SCG3: variants seen among roughly 807,000 people sequenced by gnomAD.
SCG3 encodes secretogranin III.
Under a neutral mutation model 56.2 loss-of-function variants are expected in SCG3, and 38 were observed. The observed-to-expected ratio is 0.68, with a 90% CI of 0.52 to 0.89. SCG3 has a LOEUF of 0.89. Among genes scored for constraint, SCG3 ranks in the 40% least tolerant of loss-of-function variants. The pLI is 0.00. For synonymous variants in SCG3, 176 were observed against 184.2 expected (o/e 0.96, Z 0.36); for missense variants, 524 against 540.7 (o/e 0.97, Z 0.31).
At chr15:51,683,700 A>C (rs2055210542) in intron 4 of SCG3, among the ~76,000 whole-genome samples, 1 of 151,992 alleles carries the variant, frequency 6.6e-6, no homozygotes, top group Admixed American at 6.5e-5. Context: ...TATTAAATTC[A>C]TTTGAACATT....
chr15:51,699,707 T>A (rs974369997), intron 9 of SCG3, among the ~76,000 whole-genome samples: 1 of 152,110 alleles, frequency 6.6e-6, no homozygotes, highest in Non-Finnish European at 1.5e-5. Context: ...CATCCTAAAA[T>A]TCTCCTTTAG....
At chr15:51,705,362 A>G (rs1236821679) in intron 10 of SCG3, among the ~76,000 whole-genome samples, 1 of 152,158 alleles carries the variant, frequency 6.6e-6, no homozygotes, top group Admixed American at 6.5e-5. Context: ...AAATGAATAT[A>G]AAAGAGATGA....
intron 11 of SCG3, among the ~76,000 whole-genome samples, chr15:51,718,199 TAGACAGACAGACAGACAGACAGAC>T (rs3078130): frequency 6.7e-6 from 1 of 148,886 alleles, no homozygotes; most frequent in Admixed American, 6.7e-5. Context: ...GATAGATAGA[TAGACAGACAGACAGACAGACAGAC>T]AGACAGACAG....
intron 10 of SCG3, among the ~76,000 whole-genome samples, chr15:51,706,366 A>C (rs1157171131): frequency 6.6e-6 from 1 of 152,242 alleles, no homozygotes; most frequent in African/African-American, 2.4e-5. Flanking sequence ...AATAGTCCTT[A>C]ACTCATATGC....
chr15:51,707,990 G>C (rs2055386975), intron 10 of SCG3: 1 of 152,304 alleles, frequency 6.6e-6, no homozygotes, highest in South Asian at 2.1e-4. Flanking sequence ...AGTCAGGACA[G>C]CATAGTAGAG....
At chr15:51,702,512 C>A (rs575597470) in intron 10 of SCG3, among the ~76,000 whole-genome samples, 1 of 152,318 alleles carries the variant, frequency 6.6e-6, no homozygotes, top group South Asian at 2.1e-4. Context: ...CCGCCTAGGC[C>A]TCCCAAAGTG....
At chr15:51,713,564 CAG>C (rs780688712) in intron 11 of SCG3, 151 bp downstream of exon 11, 1 of 515,044 alleles carries the variant, frequency 1.9e-6, no homozygotes, top group Non-Finnish European at 3.5e-6. Context: ...CAGAGGGGAA[CAG>C]AACCTCCATT....
rs1298899983 is a variant in SCG3, at chr15:51,701,153, A to C, written c.1116A>C (p.Glu372Asp). Residue 372 changes from glutamate to aspartate, a missense_variant, in exon 10 of 12, where the codon GAA (glutamate) becomes GAC (aspartate). By Grantham distance (45) the Glu-to-Asp change is conservative. Coordinates refer to ENST00000220478, the MANE Select transcript of SCG3 (RefSeq NM_013243.4). ...AAGAAACAGACAGTACCAAGGAAGA[A>C]GCAGCTAAGATGGAAAAGGAATATG... ...SHEETDSTKE[E>D]AAKMEKEYGS... The C allele has an allele frequency of 2.5e-6, 4 of 1,614,034 alleles. No individual in the cohort carries two copies. Among genetic ancestry groups the C allele is most frequent in the Non-Finnish European group, 3.4e-6 (4 of 1,179,958 alleles).
At chr15:51,717,406 G>A (rs1389285170) in intron 11 of SCG3, among the ~76,000 whole-genome samples, 1 of 151,332 alleles carries the variant, frequency 6.6e-6, no homozygotes, top group African/African-American at 2.4e-5. Context: ...GGTGGTGTGC[G>A]CTTGTAGTCC....
At position 51,713,319 on chromosome 15, in the gene SCG3, C is replaced by T; in HGVS notation, c.1208-14C>T. 1 of 1,563,166 alleles carries T rather than the reference C, an allele frequency of 6.4e-7. No homozygotes were observed. The highest frequency in any genetic ancestry group is 1.1e-5 in the South Asian group (1 of 87,154). ...TTTCCTGAGTGTTTGATATAGTTCTCTTACCTCTTCCAGGAAAAACAGAAG... is the reference window on the plus strand; with the variant it reads ...TTTCCTGAGTGTTTGATATAGTTCTTTTACCTCTTCCAGGAAAAACAGAAG... On this transcript the variant is annotated splice_polypyrimidine_tract_variant and intron_variant, in intron 10 of 11. Transcript: ENST00000220478.
chr15:51,692,755 A>G (rs2055275718), intron 7 of SCG3, among the ~76,000 whole-genome samples: 2 of 152,160 alleles, frequency 1.3e-5, no homozygotes, highest in Admixed American at 6.5e-5. Flanking sequence ...CAAATATTGT[A>G]TATATTTAAG....
Position 51,692,181 on chromosome 15 carries a change from A to T in SCG3, c.713A>T (p.Asp238Val), listed in dbSNP as rs998123255. 6.2e-7 allele frequency: 1 copy of T among 1,610,864 alleles called. No individual in the cohort carries two copies. The highest frequency in any genetic ancestry group is 1.7e-4 in the Middle Eastern group (1 of 6,044). Reference protein sequence around the residue: ...EKVTPMAAIQDGLAKGENDET... With the variant: ...EKVTPMAAIQVGLAKGENDET... ...GAGACTCCAATGGCAGCAATTCAAG[A>T]TGGTCTTGCTAAGGGAGAAAACGAT... is the stretch of plus-strand genomic sequence containing the variant. The change falls in exon 7 of 12, where the codon GAT becomes GTT. Residue 238 changes from aspartate to valine, a missense_variant. By Grantham distance (152) the Asp-to-Val change is radical. Coordinates refer to ENST00000220478, the MANE Select transcript of SCG3 (RefSeq NM_013243.4).
At chr15:51,696,831 G>A (rs539792430) in intron 8 of SCG3, among the ~76,000 whole-genome samples, 3 of 152,096 alleles carry the variant, frequency 2.0e-5, no homozygotes, top group East Asian at 3.9e-4. Context: ...GTGAGAAATC[G>A]CCCCCATGAT....
At chr15:51,697,279 A>G (rs1442669869) in intron 8 of SCG3, among the ~76,000 whole-genome samples, 1 of 144,546 alleles carries the variant, frequency 6.9e-6, no homozygotes, top group Non-Finnish European at 1.5e-5. Flanking sequence ...TTTCATATCA[A>G]TAACTTTCAT....
rs2055291362 is a variant in SCG3 at position 51,694,747 on chromosome 15, G to A, written c.869-1128G>A. 2.6e-5 allele frequency among the ~76,000 whole-genome samples: 4 copies of A among 152,190 alleles called. No individual in the cohort carries two copies. The South Asian group carries it at 8.3e-4, about 32-fold the overall frequency. ...AATGTCAAATACAAAGGGTTCCCAA[G>A]AGGCCGAGCGCGGTGGCTCACGCCT... On this transcript the variant is annotated intron_variant, in intron 7 of 11. Transcript: ENST00000220478.
At position 51,719,569 on chromosome 15, in the gene SCG3, C is replaced by T; in HGVS notation, c.*43C>T. 7.5e-7 allele frequency: 1 copy of T among 1,338,302 alleles called. No individual in the cohort carries two copies. The highest frequency in any genetic ancestry group is 1.1e-6 in the Non-Finnish European group (1 of 936,634). The allele number at this position is 1,338,302 out of a possible 1,614,324, so 82.9% of individuals were successfully genotyped here. On this transcript the variant is annotated 3_prime_UTR_variant, in exon 12 of 12. Coordinates refer to ENST00000220478, the MANE Select transcript of SCG3 (RefSeq NM_013243.4). The stretch of plus-strand genomic sequence containing the variant: ...GGAGTCTTTCAACTGTTTCAGAAAA[C>T]ATAATATAGCTTAAAACACTTCTAA...
intron 4 of SCG3, among the ~76,000 whole-genome samples, chr15:51,687,631 A>G (rs370859296): frequency 2.0e-4 from 30 of 152,378 alleles, no homozygotes; most frequent in African/African-American, 7.0e-4. Context: ...CATAAACTAC[A>G]GTAAGATCCC....
At chr15:51,713,495 T>C (rs1183369363) in intron 11 of SCG3, 82 bp downstream of exon 11, 8 of 934,068 alleles carry the variant, frequency 8.6e-6, no homozygotes, top group African/African-American at 6.8e-5. Context: ...CACAGTCAAA[T>C]TGACTGTGCT....
rs2055492623 is a variant in SCG3 at position 51,720,844 on chromosome 15, T to G, written c.*1318T>G. 1 of 182,998 alleles carries G rather than the reference T, an allele frequency of 5.5e-6. No individual in the cohort carries two copies. Among genetic ancestry groups the G allele is most frequent in the Non-Finnish European group, 1.1e-5 (1 of 93,016 alleles). 11.3% of individuals were successfully genotyped at this position (182,998 alleles called of 1,614,324 possible). On this transcript the variant is annotated 3_prime_UTR_variant, in exon 12 of 12. Transcript: ENST00000220478. The stretch of plus-strand genomic sequence containing the variant: ...GCACCAATCAGCAGGATTCTAAAAG[T>G]AGACAATCACAGGGAGGATTGAAAA...
Sources: gnomAD v4.1 joint callset for allele counts (sites outside exome capture counted in the v4.1 genomes callset) on GRCh38, gnomAD v4.1.1 for gene constraint, MANE v1.5 for transcripts, NCBI Gene and HGNC (gene_info 2026-07-23, HGNC 2026-07-21) for gene names.